The following UNC5D variants were observed in gnomAD, a reference collection of about 807,000 sequenced individuals.
The protein encoded by UNC5D is netrin receptor UNC5D.
In UNC5D, 39 loss-of-function variants were observed where a neutral mutation model predicts 105.4. That is an observed-to-expected ratio of 0.37 (90% confidence interval 0.29 to 0.48). UNC5D has a LOEUF of 0.48. UNC5D is among the 20% of genes least tolerant of loss of function. The pLI is 0.98. For synonymous variants in UNC5D, 452 were observed against 450.4 expected (o/e 1.00, Z -0.04); for missense variants, 991 against 1,202.4 (o/e 0.82, Z 2.60).
chr8:35,689,114 C>T (rs899068371), intron 7 of UNC5D, among the ~76,000 whole-genome samples: 2 of 152,150 alleles, frequency 1.3e-5, no homozygotes, highest in Admixed American at 6.5e-5. Flanking sequence ...TAGTAATAAC[C>T]TTCACTAACA....
chr8:35,665,403 C>T (rs995671447), intron 4 of UNC5D, among the ~76,000 whole-genome samples: 1 of 152,152 alleles, frequency 6.6e-6, no homozygotes, highest in Non-Finnish European at 1.5e-5. Flanking sequence ...CCTTGAGTGG[C>T]ATGCAGGATC....
At position 35,575,147 on chromosome 8, in the gene UNC5D, C is replaced by T. The variant is rs956023980; in HGVS notation, c.466+6906C>T. 5.3e-5 allele frequency among the ~76,000 whole-genome samples: 8 copies of T among 152,114 alleles called. No homozygotes were observed. The South Asian group carries it at 1.2e-3, about 24-fold the overall frequency. On this transcript the variant is annotated intron_variant, in intron 3 of 16. Coordinates refer to ENST00000404895, the MANE Select transcript of UNC5D (RefSeq NM_080872.4). ...TTCTACCACACTACTTAAAATACCC[C>T]GAATGATAGTTATTTTGAAGGTATT...
At chr8:35,586,338 A>T (rs1407950005) in intron 3 of UNC5D, among the ~76,000 whole-genome samples, 1 of 152,198 alleles carries the variant, frequency 6.6e-6, no homozygotes, top group Non-Finnish European at 1.5e-5. Context: ...CGCTTGCGGG[A>T]GGAGCGCAGA....
chr8:35,300,446 C>CAAAAAA lies in UNC5D; in HGVS notation c.103+64602_103+64607dup, dbSNP rs752599540. 1.3e-3 allele frequency among the ~76,000 whole-genome samples: 75 copies of CAAAAAA among 58,398 alleles called. 32 individuals are homozygous for CAAAAAA. The highest frequency in any genetic ancestry group is 1.7e-3 in the Non-Finnish European group (50 of 30,138). The allele number at this position is 58,398 out of a possible 152,430, so 38.3% of individuals were successfully genotyped here. A position where few individuals can be genotyped will look rare whatever the true frequency, so the allele number is the denominator to read the frequency against. ...TGGGCAACAGAGAGAGACTCCCTCT[C>CAAAAAA]AAAAAAAAAAAAAAAAAAAAAAAAA... On this transcript the variant is annotated intron_variant, in intron 1 of 16. Transcript: ENST00000404895.
intron 1 of UNC5D, among the ~76,000 whole-genome samples, chr8:35,463,382 C>G (rs769484696): frequency 2.0e-5 from 3 of 152,094 alleles, no homozygotes; most frequent in Non-Finnish European, 2.9e-5. Flanking sequence ...CTTTTTCAAA[C>G]TGGGTAGGGA....
Position 35,483,455 on chromosome 8 carries a change from T to C in UNC5D, c.104-65837T>C, listed in dbSNP as rs1284262637. Reference sequence around the variant, plus strand: ...TGAGAGAGATCAGTCATGTTCTGTATATTTCATACATTGCTAGCAAGCAAG... The same window carrying C: ...TGAGAGAGATCAGTCATGTTCTGTACATTTCATACATTGCTAGCAAGCAAG... On this transcript the variant is annotated intron_variant, in intron 1 of 16. Transcript: ENST00000404895. Among the ~76,000 whole-genome samples, 9 of 152,322 alleles carry C rather than the reference T, an allele frequency of 5.9e-5. No homozygotes were observed. In the South Asian group the frequency reaches 1.0e-3, roughly 18 times the overall value.
At chr8:35,385,079 T>A (rs1803301377) in intron 1 of UNC5D, among the ~76,000 whole-genome samples, 1 of 152,130 alleles carries the variant, frequency 6.6e-6, no homozygotes, top group Non-Finnish European at 1.5e-5. Context: ...CCATGTAACC[T>A]CACTCTTTCC....
intron 2 of UNC5D, among the ~76,000 whole-genome samples, chr8:35,564,184 G>T (rs1817165041): frequency 6.6e-6 from 1 of 151,520 alleles, no homozygotes; most frequent in Admixed American, 6.6e-5. Context: ...CTTGTTTTGT[G>T]GCCTACCCTA....
chr8:35,241,453 C>G (rs1261117739), intron 1 of UNC5D, among the ~76,000 whole-genome samples: 2 of 152,106 alleles, frequency 1.3e-5, no homozygotes, highest in Non-Finnish European at 2.9e-5. Context: ...CACACCACTT[C>G]ACTGAATTCA....
intron 1 of UNC5D, among the ~76,000 whole-genome samples, chr8:35,481,369 A>G (rs913732768): frequency 1.3e-5 from 2 of 152,206 alleles, no homozygotes; most frequent in Admixed American, 6.5e-5. Flanking sequence ...ACTGCACTCC[A>G]GCCTGGTGGC....
chr8:35,369,909 T>C (rs1222308670), intron 1 of UNC5D, among the ~76,000 whole-genome samples: 1 of 152,206 alleles, frequency 6.6e-6, no homozygotes, highest in Non-Finnish European at 1.5e-5. Context: ...CACCCACTTA[T>C]TTTCTGTGTT....
chr8:35,606,345 G>A (rs774724517), intron 4 of UNC5D, among the ~76,000 whole-genome samples: 2 of 152,222 alleles, frequency 1.3e-5, no homozygotes, highest in South Asian at 2.1e-4. Flanking sequence ...TACAATGACC[G>A]AACCAATATT....
chr8:35,591,061 A>G (rs1586198631), intron 3 of UNC5D, among the ~76,000 whole-genome samples: 1 of 152,122 alleles, frequency 6.6e-6, no homozygotes, highest in Non-Finnish European at 1.5e-5. Flanking sequence ...AAAACCGACA[A>G]CTTCCAAATA....
intron 4 of UNC5D, among the ~76,000 whole-genome samples, chr8:35,624,668 G>A (rs577591087): frequency 6.6e-6 from 1 of 152,264 alleles, no homozygotes; most frequent in Admixed American, 6.5e-5. Flanking sequence ...CTTTAAGAAT[G>A]AGTGGCATAC....
intron 3 of UNC5D, among the ~76,000 whole-genome samples, chr8:35,575,262 T>G (rs947294519): frequency 6.6e-6 from 1 of 152,142 alleles, no homozygotes; most frequent in African/African-American, 2.4e-5. Context: ...TAGTACACAA[T>G]CATGTATATT....
At chr8:35,485,940 G>A (rs1359099519) in intron 1 of UNC5D, among the ~76,000 whole-genome samples, 2 of 152,150 alleles carry the variant, frequency 1.3e-5, no homozygotes, top group Non-Finnish European at 2.9e-5. Context: ...CCAGGTTCTG[G>A]CCCCTCCTAC....
chr8:35,723,282 G>T (rs1828680815), intron 9 of UNC5D, among the ~76,000 whole-genome samples: 1 of 152,280 alleles, frequency 6.6e-6, no homozygotes. Flanking sequence ...AAAATTGAGA[G>T]ATGGCCAGAG....
chr8:35,634,865 C>G (rs575157206), intron 4 of UNC5D, among the ~76,000 whole-genome samples: 2 of 151,632 alleles, frequency 1.3e-5, no homozygotes, highest in South Asian at 2.1e-4. Flanking sequence ...CTACCAGGTT[C>G]AAGTGATTCC....
At position 35,291,881 on chromosome 8, in the gene UNC5D, A is replaced by G. The variant is rs117366708; in HGVS notation, c.103+55994A>G. 2.4e-4 allele frequency among the ~76,000 whole-genome samples: 37 copies of G among 152,358 alleles called. No individual in the cohort carries two copies. In the East Asian group the frequency reaches 6.9e-3, roughly 29 times the overall value. ...GATATAAAACCAATTTATTCTTCAT[A>G]TACTGAAGACAAATGTGTACTTCTT... On this transcript the variant is annotated intron_variant, in intron 1 of 16. Transcript: ENST00000404895.
Sources: allele counts gnomAD v4.1 joint callset (sites outside exome capture counted in the v4.1 genomes callset), GRCh38; gene constraint gnomAD v4.1.1; transcripts MANE v1.5; gene names NCBI Gene and HGNC (gene_info 2026-07-23, HGNC 2026-07-21).